The following COPG2 variants were observed in gnomAD, a reference collection of about 807,000 sequenced individuals.
The protein encoded by COPG2 is coat protein complex I subunit gamma 2, also known as coatomer subunit gamma-2.
Under a neutral mutation model 46.3 loss-of-function variants are expected in COPG2, and 37 were observed. That is an observed-to-expected ratio of 0.80 (90% CI 0.61 to 1.05). COPG2 has a LOEUF of 1.05. Ranked by LOEUF, COPG2 falls within the 50% of genes least tolerant of loss-of-function variation. The probability of loss-of-function intolerance (pLI) is 0.00; values close to 1 mark genes in which losing one functional copy is unlikely to be tolerated. For missense variants in COPG2, 427 were observed against 387.8 expected (o/e 1.10, Z -0.85); for synonymous variants, 159 against 129.7 (o/e 1.23, Z -1.53).
At chr7:130,644,854 A>C (rs1322899969) in intron 5 of COPG2, among the ~76,000 whole-genome samples, 2 of 151,974 alleles carry the variant, frequency 1.3e-5, no homozygotes, top group Non-Finnish European at 1.5e-5. Flanking sequence ...CTGAGGTCAC[A>C]AGTTCGAGAC....
At chr7:130,524,642 G>A (rs926626495) in intron 20 of COPG2, among the ~76,000 whole-genome samples, 1 of 152,118 alleles carries the variant, frequency 6.6e-6, no homozygotes, top group Non-Finnish European at 1.5e-5. Flanking sequence ...GAGAATCCAG[G>A]GACTTTACCC....
At chr7:130,588,053 C>T (rs1452422027) in intron 9 of COPG2, among the ~76,000 whole-genome samples, 2 of 151,876 alleles carry the variant, frequency 1.3e-5, no homozygotes, top group African/African-American at 4.8e-5. Context: ...AAATGCTCAC[C>T]ATCACTGGCC....
intron 5 of COPG2, among the ~76,000 whole-genome samples, chr7:130,629,488 G>A (rs761797712): frequency 1.3e-4 from 19 of 149,570 alleles, no homozygotes; most frequent in Non-Finnish European, 2.5e-4. Context: ...TCTGCCTCCC[G>A]GGTTCAAGCA....
chr7:130,550,411 C>CAAAAAAA (rs1158918044), intron 17 of COPG2, 113 bp downstream of exon 17: 1,698 of 104,366 alleles, frequency 0.016, 146 homozygotes, highest in African/African-American at 0.053. Flanking sequence ...GACTCTATCT[C>CAAAAAAA]AAAAAAAAAA....
chr7:130,619,387 T>G (rs1165660316), intron 5 of COPG2, among the ~76,000 whole-genome samples: 2 of 152,198 alleles, frequency 1.3e-5, no homozygotes, highest in Non-Finnish European at 2.9e-5. Flanking sequence ...CTCTGAAATA[T>G]GGGAGATTTA....
chr7:130,654,973 A>G (rs1401541596), intron 4 of COPG2, among the ~76,000 whole-genome samples: 1 of 150,910 alleles, frequency 6.6e-6, no homozygotes, highest in Non-Finnish European at 1.5e-5. Context: ...CTCCTATTTT[A>G]TGCTTTATTC....
intron 5 of COPG2, among the ~76,000 whole-genome samples, chr7:130,619,569 T>A (rs1227367069): frequency 6.6e-6 from 1 of 152,230 alleles, no homozygotes; most frequent in Non-Finnish European, 1.5e-5. Context: ...AACATTTACA[T>A]TCTATCTTTA....
At chr7:130,584,509 A>T (rs1554447738) in intron 9 of COPG2, among the ~76,000 whole-genome samples, 2 of 152,172 alleles carry the variant, frequency 1.3e-5, no homozygotes. Flanking sequence ...GATAAAGAGG[A>T]AGTCAAACTG....
chr7:130,658,981 A>C (rs1795914132), intron 4 of COPG2, among the ~76,000 whole-genome samples: 1 of 152,116 alleles, frequency 6.6e-6, no homozygotes, highest in East Asian at 1.9e-4. Flanking sequence ...GGCCCAGCCG[A>C]CAACCTGATT....
At chr7:130,655,741 A>C (rs1795837440) in intron 4 of COPG2, among the ~76,000 whole-genome samples, 1 of 152,190 alleles carries the variant, frequency 6.6e-6, no homozygotes, top group Non-Finnish European at 1.5e-5. Flanking sequence ...GGGCTGACCT[A>C]GTTTCCCTTC....
intron 20 of COPG2, 69 bp downstream of exon 20, chr7:130,547,605 G>T (rs1793465147): frequency 5.0e-6 from 2 of 398,350 alleles, no homozygotes; most frequent in Non-Finnish European, 8.8e-6. Context: ...CTGAGCATTT[G>T]AAGAGTTGAA....
intron 12 of COPG2, among the ~76,000 whole-genome samples, chr7:130,557,147 T>C (rs1356518222): frequency 6.6e-6 from 1 of 152,118 alleles, no homozygotes. Flanking sequence ...AACTCGATAA[T>C]TCACCAAGGT....
At position 130,508,406 on chromosome 7, in the gene COPG2, G is replaced by A. The variant is rs528478488; in HGVS notation, c.2247+156C>T. On this transcript the variant is annotated intron_variant, in intron 21 of 23. Coordinates refer to ENST00000425248, the MANE Select transcript of COPG2 (RefSeq NM_012133.6). ...CCTGGTGCTGTCCAGTTACAGAGGA[G>A]GGTTAGTCCAGGTCCTCCTAATTTG... The A allele has an allele frequency of 3.1e-5, 18 of 586,284 alleles. No individual in the cohort carries two copies. The African/African-American group carries it at 3.4e-4, about 11-fold the overall frequency. 36.3% of individuals were successfully genotyped at this position (586,284 alleles called of 1,614,324 possible). A position where few individuals can be genotyped will look rare whatever the true frequency, so the allele number is the denominator to read the frequency against.
At chr7:130,579,248 A>G (rs1319399564) in intron 9 of COPG2, among the ~76,000 whole-genome samples, 1 of 146,426 alleles carries the variant, frequency 6.8e-6, no homozygotes, top group Non-Finnish European at 1.5e-5. Context: ...CAGCCAAACT[A>G]AGCTTCATAA....
intron 9 of COPG2, among the ~76,000 whole-genome samples, chr7:130,587,067 G>A (rs1554448105): frequency 6.6e-6 from 1 of 151,876 alleles, no homozygotes; most frequent in African/African-American, 2.4e-5. Context: ...AGCACTTTAG[G>A]AGGCGGAGGC....
At chr7:130,539,904 G>C (rs1212857377) in intron 20 of COPG2, among the ~76,000 whole-genome samples, 1 of 152,158 alleles carries the variant, frequency 6.6e-6, no homozygotes. Context: ...GTTCGGCAGG[G>C]GAAGGGAAAG....
At chr7:130,569,116 T>A (rs1482172471) in intron 9 of COPG2, among the ~76,000 whole-genome samples, 1 of 151,912 alleles carries the variant, frequency 6.6e-6, no homozygotes, top group African/African-American at 2.4e-5. Flanking sequence ...AGAGCATAAA[T>A]AGATGATCTA....
At chr7:130,571,038 T>C (rs1289102275) in intron 9 of COPG2, among the ~76,000 whole-genome samples, 2 of 152,094 alleles carry the variant, frequency 1.3e-5, no homozygotes, top group African/African-American at 2.4e-5. Flanking sequence ...TCACCTTATA[T>C]AAAAATCAAC....
chr7:130,634,930 A>C (rs1795305628), intron 5 of COPG2, among the ~76,000 whole-genome samples: 1 of 151,648 alleles, frequency 6.6e-6, no homozygotes, highest in Admixed American at 6.6e-5. Flanking sequence ...GGGGTGTTTA[A>C]TTTTATCAAA....
Sources: allele counts gnomAD v4.1 joint callset (sites outside exome capture counted in the v4.1 genomes callset), GRCh38; gene constraint gnomAD v4.1.1; transcripts MANE v1.5; gene names NCBI Gene and HGNC (gene_info 2026-07-23, HGNC 2026-07-21).